Variants in HHLA1 observed in about 807,000 individuals in gnomAD.
The protein encoded by HHLA1 is HHLA1 neighbor of OC90.
Under a neutral mutation model 69.9 loss-of-function variants are expected in HHLA1, and 72 were observed. The observed-to-expected ratio is 1.03, with a 90% confidence interval of 0.85 to 1.25. HHLA1 has a LOEUF of 1.25. HHLA1 is among the 50% of genes most tolerant of loss of function. HHLA1 has a pLI of 0.00. For missense variants in HHLA1, 685 were observed against 642.2 expected (o/e 1.07, Z -0.72); for synonymous variants, 252 against 233.2 (o/e 1.08, Z -0.73).
At chr8:132,080,834 G>C (rs1419160211) in intron 10 of HHLA1, 1 of 152,210 alleles carries the variant, frequency 6.6e-6, no homozygotes, top group African/African-American at 2.4e-5. Flanking sequence ...TGGGAACCTA[G>C]AGTGGGAGAG....
At chr8:132,071,290 A>C in intron 15 of HHLA1, 50 bp downstream of exon 15, 5 of 1,506,372 alleles carry the variant, frequency 3.3e-6, no homozygotes, top group Non-Finnish European at 4.5e-6. Flanking sequence ...CACACGGAAT[A>C]AGAAAGCTAT....
chr8:132,088,046 C>A, intron 8 of HHLA1, 145 bp from the exon 9 acceptor site: 1 of 666,756 alleles, frequency 1.5e-6, no homozygotes. Context: ...AGGCAGTCCT[C>A]ATTTTCCAAT....
intron 13 of HHLA1, 106 bp downstream of exon 13, chr8:132,076,369 C>T (rs1823639895): frequency 1.2e-6 from 1 of 810,042 alleles, no homozygotes; most frequent in South Asian, 1.7e-5. Flanking sequence ...GAGTAACCTG[C>T]TTAGATTGCT....
In HHLA1 at chr8:132,098,940, A is replaced by G; in HGVS notation, c.222T>C (p.Asp74=). Residue 74 remains aspartate (D), a synonymous_variant, in exon 5 of 17, where the codon GAT becomes GAC. Coordinates refer to ENST00000414222, the MANE Select transcript of HHLA1 (RefSeq NM_001145095.3). ...GCTCTGTCAGGTTAAGCGCGGACAG[A>G]TCGATTGACCTTGCGGGCAGCTCTG... ...ATTELPARSI[D]LSALNLTELV... is the part of the protein sequence containing the mutation. The G allele has an allele frequency of 6.4e-7, 1 of 1,550,734 alleles. No individual in the cohort carries two copies. Among genetic ancestry groups the G allele is most frequent in the Non-Finnish European group, 8.7e-7 (1 of 1,146,318 alleles).
chr8:132,094,356 C>T (rs1586732865), intron 7 of HHLA1, among the ~76,000 whole-genome samples: 1 of 152,172 alleles, frequency 6.6e-6, no homozygotes, highest in African/African-American at 2.4e-5. Flanking sequence ...CCTTCTTATT[C>T]CGGGTGAAAA....
chr8:132,076,284 C>T (rs557089889), intron 13 of HHLA1, among the ~76,000 whole-genome samples, 155 bp from the exon 14 acceptor site: 112 of 152,284 alleles, frequency 7.4e-4, no homozygotes, highest in African/African-American at 2.6e-3. Flanking sequence ...TGGAAGACCA[C>T]ACGGAAATTT....
chr8:132,093,135 T>C (rs1353610785), intron 7 of HHLA1, among the ~76,000 whole-genome samples: 1 of 152,134 alleles, frequency 6.6e-6, no homozygotes, highest in East Asian at 1.9e-4. Context: ...CTGGGGTACA[T>C]AGGTAGATAG....
At chr8:132,095,939 TA>T (rs1166508065) in intron 5 of HHLA1, among the ~76,000 whole-genome samples, 153 bp from the exon 6 acceptor site, 1 of 151,936 alleles carries the variant, frequency 6.6e-6, no homozygotes, top group Non-Finnish European at 1.5e-5. Flanking sequence ...AAATAAAAAA[TA>T]ATAAACAAAG....
At chr8:132,068,999 G>A (rs756227785) in intron 15 of HHLA1, among the ~76,000 whole-genome samples, 9 of 152,252 alleles carry the variant, frequency 5.9e-5, no homozygotes, top group Non-Finnish European at 1.2e-4. Context: ...CAAGGAGGGA[G>A]TAGAAAGCTT....
chr8:132,068,764 C>A (rs1412873804), intron 15 of HHLA1, among the ~76,000 whole-genome samples: 1 of 152,182 alleles, frequency 6.6e-6, no homozygotes, highest in African/African-American at 2.4e-5. Context: ...TCACTGGGGC[C>A]TGAGGTAGCA....
At chr8:132,094,489 G>A (rs1230979464) in intron 7 of HHLA1, among the ~76,000 whole-genome samples, 1 of 152,080 alleles carries the variant, frequency 6.6e-6, no homozygotes, top group African/African-American at 2.4e-5. Flanking sequence ...CAGTTATGCT[G>A]GCTTCTCTGG....
Position 132,077,863 on chromosome 8 carries a change from C to A in HHLA1, c.1034G>T (p.Gly345Val). ...AQTISEKKPG[G>V]SLWETRSSPP... is the part of the protein sequence containing the mutation. Reference sequence around the variant, plus strand: ...GGAAGAACGAGTTTCCCAGAGAGACCCTCCAGGTTTTTTCTCACTGATGGT... The same window carrying A: ...GGAAGAACGAGTTTCCCAGAGAGACACTCCAGGTTTTTTCTCACTGATGGT... The change falls in exon 12 of 17, where the codon GGG becomes GTG. Residue 345 changes from glycine to valine, a missense_variant. Transcript: ENST00000414222. The A allele has an allele frequency of 6.4e-7, 1 of 1,551,444 alleles. No individual in the cohort carries two copies. The highest frequency in any genetic ancestry group is 8.7e-7 in the Non-Finnish European group (1 of 1,146,936).
intron 15 of HHLA1, chr8:132,069,653 G>T (rs990106527): frequency 6.6e-6 from 1 of 151,932 alleles, no homozygotes; most frequent in South Asian, 2.1e-4. Context: ...ATTTTCCAAC[G>T]GGATATGATT....
chr8:132,065,890 C>G lies in HHLA1; in HGVS notation c.1548G>C (p.Ser516=), dbSNP rs372608451. The G allele has an allele frequency of 7.7e-7, 1 of 1,294,440 alleles. No individual in the cohort carries two copies. Among genetic ancestry groups the G allele is most frequent in the Non-Finnish European group, 1.0e-6 (1 of 978,938 alleles). The allele number at this position is 1,294,440 out of a possible 1,614,324, so 80.2% of individuals were successfully genotyped here. The part of the protein sequence containing the change: ...ICQRVKRVSH[S]HTLKQKCLEN... ...ATAGTCAAGCTGTGTACTTACTGTGCGAGTGGGACACCCTTTTCACCCTCT... is the reference window on the plus strand; with the variant it reads ...ATAGTCAAGCTGTGTACTTACTGTGGGAGTGGGACACCCTTTTCACCCTCT... The change falls in exon 16 of 17, where the codon TCG becomes TCC. Residue 516 remains serine (S), a synonymous_variant. Coordinates refer to ENST00000414222, the MANE Select transcript of HHLA1 (RefSeq NM_001145095.3).
At position 132,076,113 on chromosome 8, in the gene HHLA1, C is replaced by G; in HGVS notation, c.1257G>C (p.Glu419Asp). Residue 419 changes from glutamate to aspartate, a missense_variant, in exon 14 of 17, where the codon GAG (glutamate) becomes GAC (aspartate). Physicochemically the swap from Glu to Asp is conservative, Grantham distance 45. Transcript: ENST00000414222. ...RYPQTGDLSA[E>D]WPFTAGEEPV... ...GCTCTTCACCAGCAGTGAATGGCCACTCTGCAGAGAGATCACCTGCAAAGG... is the reference window on the plus strand; with the variant it reads ...GCTCTTCACCAGCAGTGAATGGCCAGTCTGCAGAGAGATCACCTGCAAAGG... The G allele has an allele frequency of 6.4e-7, 1 of 1,551,234 alleles. No homozygotes were observed. The highest frequency in any genetic ancestry group is 8.7e-7 in the Non-Finnish European group (1 of 1,146,874).
chr8:132,079,948 G>C lies in HHLA1; in HGVS notation c.695C>G (p.Thr232Ser). The change falls in exon 11 of 17, where the codon ACT becomes AGT. Residue 232 changes from threonine (T) to serine (S), a missense_variant. By Grantham distance (58) the Thr-to-Ser change is moderately conservative (BLOSUM62 1). Transcript: ENST00000414222. ...SGVLGAATRG[T>S]ARTSKPTTKS... ...GGTTGTGGGCTTTGAAGTCCTGGCA[G>C]TTCCCCTGGTAGCTGCACCTTCAGG... 2.6e-6 allele frequency: 4 copies of C among 1,552,320 alleles called. No homozygotes were observed. Among genetic ancestry groups the C allele is most frequent in the Non-Finnish European group, 3.5e-6 (4 of 1,147,122 alleles).
At chr8:132,105,110 T>G (rs1007556192) in intron 2 of HHLA1, 77 bp downstream of exon 2, 1 of 1,082,972 alleles carries the variant, frequency 9.2e-7, no homozygotes, top group African/African-American at 1.6e-5. Flanking sequence ...TGTTGGCTGC[T>G]GAGGTTCTCT....
intron 1 of HHLA1, among the ~76,000 whole-genome samples, chr8:132,107,359 G>T (rs1035926460): frequency 2.0e-5 from 3 of 152,038 alleles, no homozygotes; most frequent in African/African-American, 7.2e-5. Flanking sequence ...GGAGTGCAGT[G>T]GTACGATGTC....
chr8:132,089,080 C>T (rs1823905058), intron 8 of HHLA1, among the ~76,000 whole-genome samples: 1 of 152,168 alleles, frequency 6.6e-6, no homozygotes, highest in Non-Finnish European at 1.5e-5. Flanking sequence ...TACATGAAAC[C>T]ACCTTATAAA....
Sources: gnomAD v4.1 joint callset for allele counts (sites outside exome capture counted in the v4.1 genomes callset) on GRCh38, gnomAD v4.1.1 for gene constraint, MANE v1.5 for transcripts, NCBI Gene and HGNC (gene_info 2026-07-23, HGNC 2026-07-21) for gene names.